SHF: variants seen among roughly 807,000 people sequenced by gnomAD.
The protein encoded by SHF is SH2 domain-containing adapter protein F.
Under a neutral mutation model 42.4 loss-of-function variants are expected in SHF, and 30 were observed. That is an observed-to-expected ratio of 0.71 (90% CI 0.53 to 0.96). The LOEUF (loss-of-function observed/expected upper bound fraction) is 0.96, where lower values mean the gene tolerates loss of function less well. SHF is among the 40% of genes least tolerant of loss of function. The probability of loss-of-function intolerance (pLI) is 0.00; values close to 1 mark genes in which losing one functional copy is unlikely to be tolerated. For synonymous variants in SHF, 264 were observed against 269.9 expected, an observed-to-expected ratio of 0.98 and a Z score of 0.21; for missense variants, 598 against 634.0, an observed-to-expected ratio of 0.94 and a Z score of 0.61.
At chr15:45,178,843 C>T (rs1228997644) in intron 1 of SHF, among the ~76,000 whole-genome samples, 1 of 152,214 alleles carries the variant, frequency 6.6e-6, no homozygotes, top group Non-Finnish European at 1.5e-5. Flanking sequence ...CCAAGTGGTA[C>T]ATCTTTTCCA....
At chr15:45,170,950 C>G (rs1489504379) in intron 6 of SHF, 1 of 155,176 alleles carries the variant, frequency 6.4e-6, no homozygotes, top group East Asian at 1.9e-4. Flanking sequence ...ACACACCCAC[C>G]ACTTTTTCTA....
At position 45,171,918 on chromosome 15, in the gene SHF, A is replaced by G. The variant is rs1474701053; in HGVS notation, c.1245T>C (p.Ser415=). Residue 415 remains serine (S), a synonymous_variant, in exon 6 of 7, where the codon AGT becomes AGC. Transcript: ENST00000690270. ...CKEASYLVRN[S]ETSKNDFSLS... ...GGGAGAAGTCATTCTTGCTGGTCTC[A>G]CTGTTGCGCACCAGGTAGCTGGCCT... is the stretch of plus-strand genomic sequence containing the variant. The G allele has an allele frequency of 6.2e-7, 1 of 1,613,548 alleles. No individual in the cohort carries two copies. Among genetic ancestry groups the G allele is most frequent in the African/African-American group, 1.3e-5 (1 of 74,854 alleles).
chr15:45,173,209 T>C (rs2141349096), intron 4 of SHF, among the ~76,000 whole-genome samples: 1 of 152,330 alleles, frequency 6.6e-6, no homozygotes, highest in South Asian at 2.1e-4. Context: ...AGTCACCAGA[T>C]GCAAGGTCAG....
In SHF at chr15:45,187,683, G is replaced by A. The variant is rs1321222243; in HGVS notation, c.269C>T (p.Pro90Leu). 3.3e-6 allele frequency: 4 copies of A among 1,218,360 alleles called. No homozygotes were observed. Among genetic ancestry groups the A allele is most frequent in the Non-Finnish European group, 4.1e-6 (4 of 977,018 alleles). 75.5% of individuals were successfully genotyped at this position (1,218,360 alleles called of 1,614,324 possible). ...APSPAAPPAP[P>L]PDILAAYRLQ... ...CCTGTAGGCGGCCAGGATGTCCGGGGGCGGCGCGGGGGGCGCGGCCGGAGA... is the reference window on the plus strand; with the variant it reads ...CCTGTAGGCGGCCAGGATGTCCGGGAGCGGCGCGGGGGGCGCGGCCGGAGA... Residue 90 changes from proline (P) to leucine (L), a missense_variant, in exon 1 of 7, where the codon CCC becomes CTC. Coordinates refer to ENST00000690270, the MANE Select transcript of SHF (RefSeq NM_001394037.1).
At chr15:45,199,058 C>T (rs768629536) in exon 2 of SHF, 111 of 1,594,414 alleles carry the variant, frequency 7.0e-5, no homozygotes, top group Non-Finnish European at 8.8e-5. Context: ...CCTCACGGGT[C>T]CTCCCTCCTG....
At chr15:45,198,640 G>C in intron 2 of SHF, 1 of 1,161,166 alleles carries the variant, frequency 8.6e-7, no homozygotes, top group East Asian at 2.5e-5. Context: ...GGTTGCTGCG[G>C]CCACAACGCA....
At position 45,168,104 on chromosome 15, in the gene SHF, AGCTTC is replaced by A; in HGVS notation, c.1305_1309del (p.Met435IlefsTer23). On this transcript the variant is annotated frameshift_variant, in exon 7 of 7. Transcript: ENST00000690270. LOFTEE classifies it high-confidence loss of function. ...ATATTTGTGTTCCTTGGTTCGGGAC[AGCTTC>A]ATGTGCATGAATCCCTGGCTGCTCC... The A allele has an allele frequency of 6.2e-7, 1 of 1,606,000 alleles. No individual in the cohort carries two copies. Among genetic ancestry groups the A allele is most frequent in the Non-Finnish European group, 8.5e-7 (1 of 1,175,038 alleles).
At chr15:45,196,097 G>GT (rs58593409) in intron 2 of SHF, among the ~76,000 whole-genome samples, 67,377 of 129,306 alleles carry the variant, frequency 0.52, 19,205 homozygotes, top group Non-Finnish European at 0.63. Flanking sequence ...CTGACTTCCT[G>GT]TTTTTTTTTT....
rs571730099 is a variant in SHF, at chr15:45,169,893, C to G, written c.1281-1760G>C. 9.8e-5 allele frequency among the ~76,000 whole-genome samples: 15 copies of G among 152,324 alleles called. No homozygotes were observed. In the East Asian group the frequency reaches 2.5e-3, roughly 25 times the overall value. On this transcript the variant is annotated intron_variant, in intron 6 of 6. Transcript: ENST00000690270. Reference sequence around the variant, plus strand: ...TGGGCTGCAGGACCAGGCTGGCAAGCCTTTTTGAGGAAGTTGTTTAATTAC... The same window carrying G: ...TGGGCTGCAGGACCAGGCTGGCAAGGCTTTTTGAGGAAGTTGTTTAATTAC...
chr15:45,180,828 T>C (rs1428352616), intron 1 of SHF, among the ~76,000 whole-genome samples: 3 of 152,234 alleles, frequency 2.0e-5, no homozygotes, highest in African/African-American at 7.2e-5. Context: ...CCATGTTTAC[T>C]TTCAAATTCC....
At chr15:45,184,917 C>T (rs764153451) in intron 1 of SHF, among the ~76,000 whole-genome samples, 10 of 152,230 alleles carry the variant, frequency 6.6e-5, no homozygotes, top group South Asian at 2.1e-4. Context: ...CTGCCAACTA[C>T]GGCAGTGGGT....
chr15:45,200,876 G>A, exon 1 of SHF: 1 of 456,322 alleles, frequency 2.2e-6, no homozygotes, highest in Non-Finnish European at 4.4e-6. Context: ...CACCATTCGG[G>A]CGTCCTCAGG....
At chr15:45,176,870 T>G (rs944581743) in intron 2 of SHF, among the ~76,000 whole-genome samples, 2 of 152,216 alleles carry the variant, frequency 1.3e-5, no homozygotes, top group Admixed American at 6.5e-5. Flanking sequence ...CTTCTCACTT[T>G]CTCCATTTCT....
Position 45,167,656 on chromosome 15 carries a change from C to T in SHF, c.*291G>A, listed in dbSNP as rs1308686814. 7 of 258,590 alleles carry T rather than the reference C, an allele frequency of 2.7e-5. No individual in the cohort carries two copies. The highest frequency in any genetic ancestry group is 7.0e-5 in the East Asian group (1 of 14,388). The allele number at this position is 258,590 out of a possible 1,614,324, so 16.0% of individuals were successfully genotyped here. On this transcript the variant is annotated 3_prime_UTR_variant, in exon 7 of 7. Transcript: ENST00000690270. ...CTCTGCCCTAAGGTCGGAAAGGAGC[C>T]GGAGCTGCCAGTCTGAAACTCCCTA...
Position 45,187,721 on chromosome 15 carries a change from G to A in SHF, c.231C>T (p.Arg77=), listed in dbSNP as rs1898515111. 3 of 1,069,212 alleles carry A rather than the reference G, an allele frequency of 2.8e-6. No homozygotes were observed. Among genetic ancestry groups the A allele is most frequent in the Middle Eastern group, 3.5e-4 (1 of 2,824 alleles). The allele number at this position is 1,069,212 out of a possible 1,614,324, so 66.2% of individuals were successfully genotyped here. Residue 77 remains arginine (R), a synonymous_variant, in exon 1 of 7, where the codon CGC becomes CGT. Coordinates refer to ENST00000690270, the MANE Select transcript of SHF (RefSeq NM_001394037.1). ...SKPAPPEPDY[R]PPAPSPAAPP... ...GCGCGGCCGGAGAGGGCGCAGGGGG[G>A]CGGTAGTCGGGCTCGGGGGGCGCCG...
At chr15:45,170,269 C>G in intron 6 of SHF, 1 of 1,089,786 alleles carries the variant, frequency 9.2e-7, no homozygotes, top group South Asian at 1.6e-5. Context: ...TAACAAACCT[C>G]TTTGAATTTA....
At chr15:45,198,479 G>A (rs1898941941) in intron 2 of SHF, 2 of 356,170 alleles carry the variant, frequency 5.6e-6, no homozygotes, top group East Asian at 1.0e-4. Flanking sequence ...GCGGTCCTCG[G>A]AGTGCCTCAG....
intron 2 of SHF, among the ~76,000 whole-genome samples, chr15:45,176,977 C>T (rs1170388081): frequency 1.3e-5 from 2 of 152,132 alleles, no homozygotes; most frequent in African/African-American, 2.4e-5. Context: ...CTCATCTTTC[C>T]GTATATAGAT....
Position 45,175,372 on chromosome 15 carries a change from GT to G in SHF, c.693del (p.Tyr233MetfsTer133). 6.3e-7 allele frequency: 1 copy of G among 1,597,642 alleles called. No individual in the cohort carries two copies. The highest frequency in any genetic ancestry group is 8.5e-7 in the Non-Finnish European group (1 of 1,172,056). ...GCCCCATCCTCCTCTGGCTCATAGG[GT>G]GTGTCATACAGAGGCAAGGGCTGAG... ...TATQPLPLYDTPYEPEEDGAT... is the reference protein window; with the variant it reads ...TATQPLPLYDXPYEPEEDGAT... On this transcript the variant is annotated frameshift_variant, in exon 3 of 7. Transcript: ENST00000690270. LOFTEE classifies it high-confidence loss of function.
Sources: allele counts gnomAD v4.1 joint callset (sites outside exome capture counted in the v4.1 genomes callset), GRCh38; gene constraint gnomAD v4.1.1; transcripts MANE v1.5; gene names NCBI Gene and HGNC (gene_info 2026-07-23, HGNC 2026-07-21).